The following DOCK9 variants were observed in gnomAD, a reference collection of about 807,000 sequenced individuals.
DOCK9 encodes dedicator of cytokinesis protein 9.
A neutral mutation model predicts 263.3 loss-of-function variants in DOCK9; 89 were observed. That is an observed-to-expected ratio of 0.34 (90% confidence interval 0.28 to 0.40). DOCK9 has a LOEUF of 0.40. Ranked by LOEUF, DOCK9 falls within the 10% of genes least tolerant of loss-of-function variation. The pLI is 1.00. For synonymous variants in DOCK9, 976 were observed against 973.1 expected (o/e 1.00, Z -0.06); for missense variants, 2,140 against 2,603.4 (o/e 0.82, Z 3.87).
intron 43 of DOCK9, among the ~76,000 whole-genome samples, chr13:98,828,500 T>G (rs1009423556): frequency 5.3e-5 from 8 of 152,270 alleles, no homozygotes; most frequent in Non-Finnish European, 1.0e-4. Flanking sequence ...TTTAGCATAT[T>G]GAGCTCCTTG....
At chr13:98,902,685 T>C (rs1177033055) in intron 11 of DOCK9, among the ~76,000 whole-genome samples, 194 bp from the exon 12 acceptor site, 1 of 152,262 alleles carries the variant, frequency 6.6e-6, no homozygotes, top group Non-Finnish European at 1.5e-5. Context: ...TATTTTACCT[T>C]TATGTGTTTT....
intron 15 of DOCK9, among the ~76,000 whole-genome samples, chr13:98,895,181 T>C (rs1239149728): frequency 1.4e-5 from 2 of 147,864 alleles, no homozygotes; most frequent in Non-Finnish European, 3.0e-5. Flanking sequence ...GGGGGAAGAG[T>C]TAAATAATCT....
chr13:99,041,928 TC>T (rs1888501469), intron 1 of DOCK9, among the ~76,000 whole-genome samples: 1 of 152,146 alleles, frequency 6.6e-6, no homozygotes, highest in African/African-American at 2.4e-5. Context: ...TCTCCTTAAG[TC>T]CCCAGAGAGA....
At chr13:99,006,423 C>T (rs528578214) in intron 1 of DOCK9, among the ~76,000 whole-genome samples, 3 of 152,214 alleles carry the variant, frequency 2.0e-5, no homozygotes, top group South Asian at 4.2e-4. Context: ...TCTGTAATCT[C>T]GATTTATAAC....
chr13:98,935,501 C>T (rs555457705), intron 2 of DOCK9, among the ~76,000 whole-genome samples: 20 of 152,196 alleles, frequency 1.3e-4, no homozygotes, highest in Non-Finnish European at 2.2e-4. Context: ...GGCATGGTGG[C>T]TCACACCTGT....
intron 1 of DOCK9, chr13:99,086,101 G>T (rs1243596414): frequency 7.6e-7 from 1 of 1,308,240 alleles, no homozygotes; most frequent in Non-Finnish European, 9.7e-7. Context: ...TCTTGATTCC[G>T]CGGACCCAGC....
intron 48 of DOCK9, among the ~76,000 whole-genome samples, chr13:98,806,066 G>C (rs2090671802): frequency 6.6e-6 from 1 of 152,134 alleles, no homozygotes. Flanking sequence ...GGATTTCTCT[G>C]ATTGTTTCTT....
At chr13:98,795,709 G>A (rs574565267) in intron 52 of DOCK9, among the ~76,000 whole-genome samples, 1 of 151,676 alleles carries the variant, frequency 6.6e-6, no homozygotes, top group Admixed American at 6.6e-5. Context: ...AGTCCCTCCT[G>A]TTCTGCTTAA....
intron 1 of DOCK9, among the ~76,000 whole-genome samples, chr13:98,976,519 CA>C (rs1249170564): frequency 6.6e-6 from 1 of 152,208 alleles, no homozygotes; most frequent in Non-Finnish European, 1.5e-5. Flanking sequence ...CTAAACCACA[CA>C]ACTTCCTCCA....
chr13:98,938,102 C>T (rs1037292855), intron 2 of DOCK9, among the ~76,000 whole-genome samples: 1 of 152,222 alleles, frequency 6.6e-6, no homozygotes, highest in Non-Finnish European at 1.5e-5. Flanking sequence ...ATTCCTGACC[C>T]CAACCTGGCC....
chr13:99,085,597 A>G (rs370246375), intron 1 of DOCK9, among the ~76,000 whole-genome samples: 1 of 152,186 alleles, frequency 6.6e-6, no homozygotes, highest in East Asian at 1.9e-4. Context: ...AGGAATTTGC[A>G]CCAATACTAA....
At chr13:98,850,751 C>A (rs1279682458) in intron 35 of DOCK9, among the ~76,000 whole-genome samples, 2 of 152,204 alleles carry the variant, frequency 1.3e-5, no homozygotes, top group Non-Finnish European at 2.9e-5. Flanking sequence ...ACTATACCTA[C>A]AGGATAAGTT....
chr13:98,871,546 G>A (rs985305053), intron 27 of DOCK9, among the ~76,000 whole-genome samples: 2 of 152,188 alleles, frequency 1.3e-5, no homozygotes, highest in Non-Finnish European at 2.9e-5. Flanking sequence ...CACATTTCAA[G>A]GTAATGAAGA....
chr13:98,924,887 A>G (rs1329887477), intron 4 of DOCK9, among the ~76,000 whole-genome samples: 2 of 152,080 alleles, frequency 1.3e-5, no homozygotes, highest in Admixed American at 6.6e-5. Context: ...TTTCTTGGCT[A>G]GTCTCGGTGG....
At chr13:98,844,502 AC>A (rs1291154256) in intron 38 of DOCK9, among the ~76,000 whole-genome samples, 2 of 152,214 alleles carry the variant, frequency 1.3e-5, no homozygotes, top group Non-Finnish European at 2.9e-5. Context: ...AGCTGGGATT[AC>A]ATGTGTGTGC....
Position 98,829,525 on chromosome 13 carries a change from A to G in DOCK9, c.4750-3T>C, listed in dbSNP as rs755791767. ...ACATCAGAGGAGAAGCTGGTGTGCT[A>G]AAACAAGGGTGGAAGAGGAAAGGAC... On this transcript the variant is annotated splice_region_variant and splice_polypyrimidine_tract_variant and intron_variant, in intron 42 of 52. Transcript: ENST00000682017. The surrounding 1 kb of genome is among the most constrained non-coding windows in gnomAD (Gnocchi z 4.1). The G allele has an allele frequency of 6.2e-7, 1 of 1,610,782 alleles. No homozygotes were observed. Among genetic ancestry groups the G allele is most frequent in the Non-Finnish European group, 8.5e-7 (1 of 1,178,360 alleles).
chr13:99,086,365 C>G, exon 1 of DOCK9: 1 of 1,214,770 alleles, frequency 8.2e-7, no homozygotes. Context: ...CCTGCCCCCG[C>G]CGCCTCCGCC....
chr13:98,885,895 G>C, intron 19 of DOCK9, 64 bp from the exon 20 acceptor site: 3 of 1,522,148 alleles, frequency 2.0e-6, no homozygotes, highest in Non-Finnish European at 2.7e-6. Context: ...AGTGGAAGCA[G>C]AGACAGTATG....
chr13:99,062,855 T>C (rs1160454260), intron 1 of DOCK9, among the ~76,000 whole-genome samples: 2 of 152,148 alleles, frequency 1.3e-5, no homozygotes, highest in East Asian at 1.9e-4. Context: ...AGTTCAGTGG[T>C]TTAATATCCT....
Sources: allele counts gnomAD v4.1 joint callset (sites outside exome capture counted in the v4.1 genomes callset), GRCh38; gene constraint gnomAD v4.1.1; non-coding constraint Gnocchi (gnomAD v3.1); transcripts MANE v1.5; gene names NCBI Gene and HGNC (gene_info 2026-07-23, HGNC 2026-07-21).